Variants in MGAT4C observed in about 807,000 individuals in gnomAD.
MGAT4C encodes MGAT4 family member C, also known as alpha-1,3-mannosyl-glycoprotein 4-beta-N-acetylglucosaminyltransferase C.
Under a neutral mutation model 40.1 loss-of-function variants are expected in MGAT4C, and 19 were observed. The observed-to-expected ratio is 0.47, with a 90% CI of 0.33 to 0.70. MGAT4C has a LOEUF of 0.70. MGAT4C is among the 30% of genes least tolerant of loss of function. MGAT4C has a pLI of 0.02. For missense variants in MGAT4C, 491 were observed against 563.2 expected, an observed-to-expected ratio of 0.87 and a Z score of 1.30; for synonymous variants, 181 against 187.1, an observed-to-expected ratio of 0.97 and a Z score of 0.27.
At chr12:86,685,856 G>A (rs1449506346) in intron 2 of MGAT4C, among the ~76,000 whole-genome samples, 3 of 150,764 alleles carry the variant, frequency 2.0e-5, no homozygotes, top group Non-Finnish European at 4.4e-5. Flanking sequence ...GTATAGGAAT[G>A]CTTGTGATTT....
intron 4 of MGAT4C, among the ~76,000 whole-genome samples, chr12:86,272,760 G>C (rs1952981289): frequency 6.6e-6 from 1 of 152,080 alleles, no homozygotes; most frequent in African/African-American, 2.4e-5. Flanking sequence ...GCTGCACTGG[G>C]AGGGTCACAT....
At chr12:86,651,134 C>T (rs969734785) in intron 2 of MGAT4C, among the ~76,000 whole-genome samples, 17 of 151,760 alleles carry the variant, frequency 1.1e-4, no homozygotes, top group Non-Finnish European at 1.9e-4. Context: ...TAATAAGATA[C>T]GTTAAATGGT....
chr12:86,751,834 G>A (rs977585797), intron 1 of MGAT4C, among the ~76,000 whole-genome samples: 2 of 152,090 alleles, frequency 1.3e-5, no homozygotes, highest in East Asian at 3.9e-4. Flanking sequence ...GCTATAAAAT[G>A]TGATAATACT....
chr12:86,170,206 C>G (rs190674373), intron 1 of MGAT4C, among the ~76,000 whole-genome samples: 1 of 152,190 alleles, frequency 6.6e-6, no homozygotes, highest in South Asian at 2.1e-4. Flanking sequence ...GAGACTGGGA[C>G]AGTCTTGAGC....
intron 1 of MGAT4C, among the ~76,000 whole-genome samples, chr12:86,070,700 G>C (rs901115401): frequency 6.6e-6 from 1 of 151,874 alleles, no homozygotes; most frequent in Non-Finnish European, 1.5e-5. Flanking sequence ...AATTGTATTT[G>C]AATGAAGTAT....
chr12:86,298,994 T>C (rs1334417899), intron 4 of MGAT4C, among the ~76,000 whole-genome samples: 1 of 152,190 alleles, frequency 6.6e-6, no homozygotes, highest in Admixed American at 6.5e-5. Flanking sequence ...ATTTAAAACA[T>C]ATATATGTTA....
At chr12:86,594,725 G>A (rs1392109101) in intron 2 of MGAT4C, among the ~76,000 whole-genome samples, 1 of 152,320 alleles carries the variant, frequency 6.6e-6, no homozygotes, top group African/African-American at 2.4e-5. Context: ...ATCAGGTTCA[G>A]AGAACTCCAG....
chr12:86,416,893 A>T (rs908832179), intron 3 of MGAT4C, among the ~76,000 whole-genome samples: 1 of 152,150 alleles, frequency 6.6e-6, no homozygotes. Context: ...CTGGGCCTTA[A>T]ATTAATATGA....
At chr12:86,664,701 C>A (rs898255429) in intron 2 of MGAT4C, among the ~76,000 whole-genome samples, 7 of 151,732 alleles carry the variant, frequency 4.6e-5, no homozygotes, top group African/African-American at 1.7e-4. Context: ...AAGTTATTAA[C>A]CTAAAGAAGA....
intron 2 of MGAT4C, among the ~76,000 whole-genome samples, chr12:85,995,352 C>T (rs928982925): frequency 3.3e-5 from 5 of 152,128 alleles, no homozygotes; most frequent in African/African-American, 9.7e-5. Flanking sequence ...AAGAGAGACT[C>T]AGAATTCTGC....
intron 1 of MGAT4C, among the ~76,000 whole-genome samples, chr12:86,157,675 T>C (rs989062859): frequency 1.3e-5 from 2 of 152,070 alleles, no homozygotes; most frequent in Non-Finnish European, 2.9e-5. Context: ...CTCAGGAAAC[T>C]TACAATCATG....
In MGAT4C at chr12:85,958,327, A is replaced by T. The variant is rs1409508660; in HGVS notation, c.*20962T>A. ...ATTTCAGGAGTTCTTGGCCTCTCAA[A>T]GTACCGGGATTACAGGCATGAGCCA... On this transcript the variant is annotated 3_prime_UTR_variant, in exon 5 of 5. Coordinates refer to ENST00000611864, the MANE Select transcript of MGAT4C (RefSeq NM_001351288.2). 1 of 152,108 alleles carries T rather than the reference A, an allele frequency of 6.6e-6. No individual in the cohort carries two copies. 9.4% of individuals were successfully genotyped at this position (152,108 alleles called of 1,614,324 possible). A position where few individuals can be genotyped will look rare whatever the true frequency, so the allele number is the denominator to read the frequency against.
rs369721957 is a variant in MGAT4C at position 86,143,476 on chromosome 12, A to G, written c.-56-93753T>C. Among the ~76,000 whole-genome samples, 40 of 152,300 alleles carry G rather than the reference A, an allele frequency of 2.6e-4. No individual in the cohort carries two copies. The South Asian group carries it at 8.1e-3, about 31-fold the overall frequency. Reference sequence around the variant, plus strand: ...ATAAACAACAGTCTATGACAATGTAATAGAGGTGTAGATAGCTTGTTATGG... The same window carrying G: ...ATAAACAACAGTCTATGACAATGTAGTAGAGGTGTAGATAGCTTGTTATGG... On this transcript the variant is annotated intron_variant, in intron 1 of 4. Coordinates refer to ENST00000611864, the MANE Select transcript of MGAT4C (RefSeq NM_001351288.2).
rs892864709 is a variant in MGAT4C, at chr12:86,817,870, G to A, written c.-262+20796C>T. 1.3e-5 allele frequency among the ~76,000 whole-genome samples: 2 copies of A among 151,436 alleles called. 1 individual carries two copies. The highest frequency in any genetic ancestry group is 3.0e-5 in the Non-Finnish European group (2 of 67,530). On this transcript the variant is annotated intron_variant, in intron 1 of 7. Transcript: ENST00000548651. ...TGATTTTAATCTGTACACTAGGATA[G>A]AGTGTGGGCCTTTTAAACTGCCTAA...
rs1883674959 is a variant in MGAT4C, at chr12:85,972,553, T to A, written c.*6736A>T. 1 of 151,064 alleles carries A rather than the reference T, an allele frequency of 6.6e-6. No individual in the cohort carries two copies. The highest frequency in any genetic ancestry group is 1.5e-5 in the Non-Finnish European group (1 of 67,226). The allele number at this position is 151,064 out of a possible 1,614,324, so 9.4% of individuals were successfully genotyped here. On this transcript the variant is annotated 3_prime_UTR_variant, in exon 5 of 5. Transcript: ENST00000611864. ...TTAATTGTTAAAGTGTGGGATATAG[T>A]TTACATTACCGAGTTTATTTTCTAA...
chr12:86,689,292 T>C (rs1950131641), intron 2 of MGAT4C, among the ~76,000 whole-genome samples: 1 of 152,144 alleles, frequency 6.6e-6, no homozygotes, highest in Admixed American at 6.5e-5. Context: ...TAGAACACGC[T>C]CCTTTAGCTT....
chr12:86,491,825 G>A (rs2136323824), intron 2 of MGAT4C, among the ~76,000 whole-genome samples: 1 of 151,914 alleles, frequency 6.6e-6, no homozygotes, highest in Admixed American at 6.6e-5. Context: ...GAAATAAAGG[G>A]TATTCAATCA....
intron 3 of MGAT4C, among the ~76,000 whole-genome samples, chr12:86,414,131 A>C (rs972149533): frequency 6.6e-6 from 1 of 152,138 alleles, no homozygotes; most frequent in African/African-American, 2.4e-5. Flanking sequence ...AAAGATATAA[A>C]AAGGTAAAAT....
intron 2 of MGAT4C, among the ~76,000 whole-genome samples, chr12:86,472,433 C>CTGTA (rs1957769581): frequency 6.6e-6 from 1 of 152,084 alleles, no homozygotes; most frequent in East Asian, 1.9e-4. Flanking sequence ...ATTTCTCTAA[C>CTGTA]ATCTGAGGTT....
Sources: allele counts gnomAD v4.1 joint callset (sites outside exome capture counted in the v4.1 genomes callset), GRCh38; gene constraint gnomAD v4.1.1; transcripts MANE v1.5; gene names NCBI Gene and HGNC (gene_info 2026-07-23, HGNC 2026-07-21).